The following THSD7B variants were observed in gnomAD, a reference collection of about 807,000 sequenced individuals.
The protein encoded by THSD7B is thrombospondin type-1 domain-containing protein 7B.
THSD7B carries 138 observed loss-of-function variants against 213.6 expected under a neutral mutation model. The observed-to-expected ratio is 0.65, with a 90% CI of 0.56 to 0.74. The LOEUF is 0.74. Ranked by LOEUF, THSD7B falls within the 30% of genes least tolerant of loss-of-function variation. The pLI is 0.00. For missense variants in THSD7B, 1,931 were observed against 1,991.5 expected, an observed-to-expected ratio of 0.97 and a Z score of 0.58; for synonymous variants, 742 against 687.0, an observed-to-expected ratio of 1.08 and a Z score of -1.25.
chr2:137,617,031 G>GA (rs113477032), intron 18 of THSD7B, among the ~76,000 whole-genome samples: 29,330 of 148,460 alleles, frequency 0.2, 3,429 homozygotes, highest in African/African-American at 0.33. Flanking sequence ...TTTTCTGAAA[G>GA]AAAAAAAAAA....
intron 13 of THSD7B, among the ~76,000 whole-genome samples, chr2:137,406,837 C>G (rs1686531742): frequency 6.6e-6 from 1 of 152,152 alleles, no homozygotes; most frequent in Admixed American, 6.5e-5. Flanking sequence ...AAAATTTGTG[C>G]CACATGATTT....
intron 17 of THSD7B, among the ~76,000 whole-genome samples, chr2:137,576,152 G>A (rs1485189408): frequency 6.6e-6 from 1 of 151,994 alleles, no homozygotes; most frequent in Non-Finnish European, 1.5e-5. Flanking sequence ...AATCCTTACT[G>A]AAATTTTCCA....
At chr2:137,121,867 G>C (rs1398209061) in intron 5 of THSD7B, among the ~76,000 whole-genome samples, 1 of 152,172 alleles carries the variant, frequency 6.6e-6, no homozygotes, top group Non-Finnish European at 1.5e-5. Context: ...ACAGAGAAAG[G>C]AATTGTTTGA....
intron 12 of THSD7B, among the ~76,000 whole-genome samples, chr2:137,322,512 A>G (rs1684283230): frequency 6.6e-6 from 1 of 152,184 alleles, no homozygotes; most frequent in Admixed American, 6.5e-5. Flanking sequence ...CCCATTTTAT[A>G]TATAACGAGA....
chr2:137,373,480 G>T (rs935456122), intron 12 of THSD7B, among the ~76,000 whole-genome samples: 11 of 152,114 alleles, frequency 7.2e-5, no homozygotes, highest in Non-Finnish European at 7.3e-5. Context: ...GTGTTTTTTG[G>T]CTGCATAAAT....
At chr2:137,378,412 T>C (rs1481354627) in intron 12 of THSD7B, among the ~76,000 whole-genome samples, 1 of 152,130 alleles carries the variant, frequency 6.6e-6, no homozygotes, top group East Asian at 1.9e-4. Context: ...TTGGTCCAGT[T>C]TACAGGAGGG....
chr2:137,162,021 C>T (rs1680028560), intron 6 of THSD7B, among the ~76,000 whole-genome samples: 1 of 152,132 alleles, frequency 6.6e-6, no homozygotes, highest in South Asian at 2.1e-4. Flanking sequence ...CCACATCAGA[C>T]CAAGTAGATC....
chr2:137,110,971 G>C (rs139062035), intron 4 of THSD7B, among the ~76,000 whole-genome samples: 4 of 152,126 alleles, frequency 2.6e-5, no homozygotes, highest in African/African-American at 9.7e-5. Flanking sequence ...ATATAGCCTA[G>C]GTATGTAGTA....
intron 2 of THSD7B, among the ~76,000 whole-genome samples, chr2:136,885,764 AATTG>A (rs1268102932): frequency 5.3e-5 from 8 of 152,162 alleles, no homozygotes; most frequent in South Asian, 2.1e-4. Context: ...ACATGAGATA[AATTG>A]ATTGAGAATA....
intron 1 of THSD7B, among the ~76,000 whole-genome samples, chr2:136,792,054 T>C (rs1681973939): frequency 6.6e-6 from 1 of 152,072 alleles, no homozygotes; most frequent in Non-Finnish European, 1.5e-5. Flanking sequence ...ATCTGTCTTT[T>C]TTATCCTACT....
intron 15 of THSD7B, among the ~76,000 whole-genome samples, chr2:137,561,116 A>G (rs1181593625): frequency 6.6e-6 from 1 of 152,182 alleles, no homozygotes. Flanking sequence ...GTATCTCCAC[A>G]TCTTCCTATA....
intron 15 of THSD7B, among the ~76,000 whole-genome samples, chr2:137,498,290 T>G (rs1573664068): frequency 1.3e-5 from 2 of 152,186 alleles, no homozygotes; most frequent in Admixed American, 1.3e-4. Flanking sequence ...GAATTAAGAC[T>G]GTTTAGGTCA....
intron 12 of THSD7B, among the ~76,000 whole-genome samples, chr2:137,294,087 G>C (rs1683399788): frequency 6.6e-6 from 1 of 151,960 alleles, no homozygotes. Flanking sequence ...ACAGTTCTCT[G>C]CTCCCATGGC....
At chr2:137,661,478 C>T (rs1360880684) in intron 25 of THSD7B, among the ~76,000 whole-genome samples, 1 of 151,666 alleles carries the variant, frequency 6.6e-6, no homozygotes, top group Non-Finnish European at 1.5e-5. Flanking sequence ...CAGAAGTAAG[C>T]CTACAAGCAG....
Position 136,786,928 on chromosome 2 carries a change from A to T in THSD7B, c.-36+21241A>T, listed in dbSNP as rs184377077. On this transcript the variant is annotated intron_variant, in intron 1 of 27. Coordinates refer to ENST00000409968, the MANE Select transcript of THSD7B (RefSeq NM_001316349.2). Reference sequence around the variant, plus strand: ...GGATGGAGATTGGCATAGTATATTTAAAAAAAGGGGGTACATCAGCTTTCT... The same window carrying T: ...GGATGGAGATTGGCATAGTATATTTTAAAAAAGGGGGTACATCAGCTTTCT... Among the ~76,000 whole-genome samples, 155 of 152,230 alleles carry T rather than the reference A, an allele frequency of 1.0e-3. 2 individuals are homozygous for T. The highest frequency in any genetic ancestry group is 3.5e-3 in the African/African-American group (144 of 41,522).
chr2:137,481,915 C>T (rs1312242375), intron 15 of THSD7B, among the ~76,000 whole-genome samples: 1 of 152,188 alleles, frequency 6.6e-6, no homozygotes, highest in Non-Finnish European at 1.5e-5. Flanking sequence ...CAGTGGCTCA[C>T]ACCTGTAATC....
chr2:137,586,246 G>T (rs560136310), intron 17 of THSD7B, among the ~76,000 whole-genome samples: 1 of 152,084 alleles, frequency 6.6e-6, no homozygotes, highest in Non-Finnish European at 1.5e-5. Context: ...CATGAGATGG[G>T]TCTCCTGAAT....
At chr2:136,826,749 T>C (rs1279580375) in intron 1 of THSD7B, among the ~76,000 whole-genome samples, 1 of 152,208 alleles carries the variant, frequency 6.6e-6, no homozygotes, top group Non-Finnish European at 1.5e-5. Context: ...AAGGAATTTC[T>C]TCACAATAAG....
rs750498188 is a variant in THSD7B, at chr2:137,170,950, T to A, written c.1723+12T>A. The A allele has an allele frequency of 6.2e-7, 1 of 1,611,604 alleles. No individual in the cohort carries two copies. The highest frequency in any genetic ancestry group is 8.5e-7 in the Non-Finnish European group (1 of 1,179,508). On this transcript the variant is annotated intron_variant, in intron 7 of 27. Coordinates refer to ENST00000409968, the MANE Select transcript of THSD7B (RefSeq NM_001316349.2). The stretch of plus-strand genomic sequence containing the variant: ...CCAGAATGACCGCGGTATGACCCAG[T>A]GACCCACTAGAGGTGTTAGGATGTT...
Sources: gnomAD v4.1 joint callset for allele counts (sites outside exome capture counted in the v4.1 genomes callset) on GRCh38, gnomAD v4.1.1 for gene constraint, MANE v1.5 for transcripts, NCBI Gene and HGNC (gene_info 2026-07-23, HGNC 2026-07-21) for gene names.